The following NTRK2 variants were observed in gnomAD, a reference collection of about 807,000 sequenced individuals.
The protein encoded by NTRK2 is BDNF/NT-3 growth factors receptor.
In NTRK2, 13 loss-of-function variants were observed where a neutral mutation model predicts 94.5. The ratio of observed to expected loss-of-function variants is 0.14; its 90% CI spans 0.09 to 0.22. The LOEUF is 0.22. NTRK2 is among the 10% of genes least tolerant of loss of function. The pLI is 1.00. For missense variants in NTRK2, 639 were observed against 1,071.2 expected (o/e 0.60, Z 5.63); for synonymous variants, 372 against 407.4 (o/e 0.91, Z 1.05).
At chr9:84,947,157 T>A (rs1477269090) in intron 15 of NTRK2, among the ~76,000 whole-genome samples, 1 of 152,122 alleles carries the variant, frequency 6.6e-6, no homozygotes, top group East Asian at 1.9e-4. Context: ...TGTTTCACTA[T>A]GTTTGCCAGG....
intron 14 of NTRK2, among the ~76,000 whole-genome samples, chr9:84,927,107 A>T (rs1163748175): frequency 6.6e-6 from 1 of 152,208 alleles, no homozygotes; most frequent in Non-Finnish European, 1.5e-5. Context: ...TGAAGAAGGG[A>T]TCGCTGTGTT....
intron 17 of NTRK2, among the ~76,000 whole-genome samples, chr9:85,015,724 T>G (rs1328586041): frequency 6.6e-6 from 1 of 152,146 alleles, no homozygotes; most frequent in Non-Finnish European, 1.5e-5. Flanking sequence ...GGGAGAGTTT[T>G]TTCTTGAAGT....
In NTRK2 at chr9:85,019,398, C is replaced by G. The variant is rs186763531; in HGVS notation, c.2173-808C>G. ...TTCATGGGTTTGAAATCGGGCATCCCTGACAAACCTGGAAATGAGCTTCCT... is the reference window on the plus strand; with the variant it reads ...TTCATGGGTTTGAAATCGGGCATCCGTGACAAACCTGGAAATGAGCTTCCT... On this transcript the variant is annotated intron_variant, in intron 17 of 18. Transcript: ENST00000277120. Among the ~76,000 whole-genome samples, 9 of 152,306 alleles carry G rather than the reference C, an allele frequency of 5.9e-5. No homozygotes were observed. The East Asian group carries it at 1.7e-3, about 29-fold the overall frequency.
intron 14 of NTRK2, chr9:84,877,522 C>A (rs1327631061): frequency 2.8e-6 from 3 of 1,066,470 alleles, no homozygotes; most frequent in East Asian, 4.9e-5. Flanking sequence ...CCCCATGTGG[C>A]CAAGGACCCC....
chr9:84,869,590 C>G (rs2075750886), intron 14 of NTRK2, among the ~76,000 whole-genome samples: 1 of 151,784 alleles, frequency 6.6e-6, no homozygotes, highest in Admixed American at 6.6e-5. Context: ...TTCGGTGTAT[C>G]TGTGGCCTTT....
chr9:84,992,843 C>A (rs972189534), intron 17 of NTRK2, among the ~76,000 whole-genome samples: 1 of 151,698 alleles, frequency 6.6e-6, no homozygotes, highest in African/African-American at 2.4e-5. Context: ...GAACAGGGGA[C>A]CTCTGTGGAC....
At chr9:84,933,255 AG>A (rs2078101337) in intron 14 of NTRK2, among the ~76,000 whole-genome samples, 1 of 152,320 alleles carries the variant, frequency 6.6e-6, no homozygotes, top group South Asian at 2.1e-4. Flanking sequence ...CTGAGTGAGG[AG>A]GCACAGCTCA....
rs1443894759 is a variant in NTRK2, at chr9:84,724,257, A to T, written c.754A>T (p.Ile252Leu). 6.2e-7 allele frequency: 1 copy of T among 1,614,166 alleles called. No individual in the cohort carries two copies. Among genetic ancestry groups the T allele is most frequent in the Non-Finnish European group, 8.5e-7 (1 of 1,179,998 alleles). Reference protein sequence around the residue: ...ETSHTQGSLRITNISSDDSGK... With the variant: ...ETSHTQGSLRLTNISSDDSGK... ...AAGCCACACACAGGGCTCCTTAAGG[A>T]TAACTAACATTTCATCCGATGACAG... Residue 252 changes from isoleucine to leucine, a missense_variant, in exon 8 of 19, where the codon ATA becomes TTA. Transcript: ENST00000277120.
chr9:84,703,175 T>C (rs559166200), intron 4 of NTRK2, among the ~76,000 whole-genome samples: 2 of 152,234 alleles, frequency 1.3e-5, no homozygotes, highest in Non-Finnish European at 2.9e-5. Flanking sequence ...TCCCATCCCC[T>C]GAGTTTTTAG....
intron 2 of NTRK2, among the ~76,000 whole-genome samples, chr9:84,692,142 C>T (rs574902635): frequency 3.3e-5 from 5 of 152,088 alleles, no homozygotes; most frequent in Non-Finnish European, 2.9e-5. Context: ...GTCTTCCCAT[C>T]GGCTGTCGTG....
At chr9:84,917,363 T>G (rs1394704205) in intron 14 of NTRK2, among the ~76,000 whole-genome samples, 3 of 152,190 alleles carry the variant, frequency 2.0e-5, no homozygotes. Context: ...ATGGAGATCA[T>G]TCTGGTGGGA....
intron 4 of NTRK2, 58 bp downstream of exon 4, chr9:84,702,477 C>T (rs2060794201): frequency 1.4e-6 from 2 of 1,421,680 alleles, no homozygotes; most frequent in South Asian, 1.1e-5. Context: ...TATTTCCCCC[C>T]TCTGTTTATT....
chr9:84,939,543 G>A, intron 15 of NTRK2, among the ~76,000 whole-genome samples: 1 of 152,242 alleles, frequency 6.6e-6, no homozygotes, highest in East Asian at 1.9e-4. Context: ...TGGAAGGATG[G>A]GAGACATGTT....
chr9:84,916,272 G>A (rs2077390775), intron 14 of NTRK2, among the ~76,000 whole-genome samples: 1 of 152,142 alleles, frequency 6.6e-6, no homozygotes, highest in South Asian at 2.1e-4. Context: ...TGAAGAAGGA[G>A]CCTAGAAGGA....
intron 14 of NTRK2, among the ~76,000 whole-genome samples, chr9:84,883,630 T>C (rs1404612120): frequency 6.6e-6 from 1 of 152,200 alleles, no homozygotes; most frequent in African/African-American, 2.4e-5. Flanking sequence ...CTGACATGGG[T>C]CACCAAATAG....
intron 14 of NTRK2, among the ~76,000 whole-genome samples, chr9:84,879,103 CT>C (rs1451663246): frequency 2.0e-5 from 3 of 151,956 alleles, no homozygotes; most frequent in African/African-American, 7.3e-5. Context: ...TTGTATGTGA[CT>C]CTCCAGAGTG....
chr9:84,794,701 G>C (rs2069096961), intron 12 of NTRK2, among the ~76,000 whole-genome samples: 1 of 152,082 alleles, frequency 6.6e-6, no homozygotes, highest in African/African-American at 2.4e-5. Flanking sequence ...TATGGTAGAG[G>C]GGCATATAGT....
chr9:84,791,348 T>C (rs1480667173), intron 12 of NTRK2, among the ~76,000 whole-genome samples: 6 of 152,190 alleles, frequency 3.9e-5, no homozygotes, highest in African/African-American at 1.4e-4. Flanking sequence ...TATACTTATA[T>C]TTTCTTATGT....
At chr9:84,806,846 C>G (rs1031813013) in intron 12 of NTRK2, among the ~76,000 whole-genome samples, 1 of 152,222 alleles carries the variant, frequency 6.6e-6, no homozygotes, top group Admixed American at 6.5e-5. Context: ...TCTAGACACA[C>G]GATGTTATGA....
Sources: allele counts gnomAD v4.1 joint callset (sites outside exome capture counted in the v4.1 genomes callset), GRCh38; gene constraint gnomAD v4.1.1; transcripts MANE v1.5; gene names NCBI Gene and HGNC (gene_info 2026-07-23, HGNC 2026-07-21).